The following SLC35D4 variants were observed in gnomAD, a reference collection of about 807,000 sequenced individuals.
The protein encoded by SLC35D4 is solute carrier family 35 member D4, also known as UDP-N-acetylglucosamine transporter SLC35D4.
the SLC35D4 span, among the ~76,000 whole-genome samples, chr18:23,312,805 G>A: frequency 1.2e-4 from 19 of 152,188 alleles, 1 homozygote; most frequent in Middle Eastern, 3.4e-3. Context: ...CGCAGAGCCT[G>A]GCTCAGTCAC....
At chr18:23,263,194 C>T in the SLC35D4 span, among the ~76,000 whole-genome samples, 1 of 152,232 alleles carries the variant, frequency 6.6e-6, no homozygotes, top group South Asian at 2.1e-4. Context: ...CCTGTCCTGC[C>T]TCATGCTTAG....
the SLC35D4 span, among the ~76,000 whole-genome samples, chr18:23,369,979 C>T: frequency 6.6e-6 from 1 of 152,070 alleles, no homozygotes; most frequent in African/African-American, 2.4e-5. Context: ...TCGGTAGTTC[C>T]AGACCAGCCT....
chr18:23,295,175 C>T, the SLC35D4 span, among the ~76,000 whole-genome samples: 40 of 149,860 alleles, frequency 2.7e-4, no homozygotes, highest in African/African-American at 9.6e-4. Context: ...AAGTTGAACA[C>T]GGACACAGAG....
chr18:23,316,237 A>G, the SLC35D4 span, among the ~76,000 whole-genome samples: 99 of 152,312 alleles, frequency 6.5e-4, no homozygotes, highest in African/African-American at 2.3e-3. Flanking sequence ...CAGGCCACAG[A>G]GTTGGAGGTG....
chr18:23,298,217 A>C, the SLC35D4 span: 1 of 875,788 alleles, frequency 1.1e-6, no homozygotes, highest in Non-Finnish European at 1.8e-6. Context: ...GGTCAAGCCC[A>C]GGAATCGCTC....
At chr18:23,426,317 C>A in the SLC35D4 span, among the ~76,000 whole-genome samples, 8 of 152,156 alleles carry the variant, frequency 5.3e-5, no homozygotes, top group South Asian at 4.1e-4. Context: ...ACATGATGGA[C>A]AACAGGTTGA....
the SLC35D4 span, among the ~76,000 whole-genome samples, chr18:23,435,633 C>T: frequency 3.3e-4 from 50 of 152,262 alleles, no homozygotes; most frequent in Non-Finnish European, 6.3e-4. Context: ...TCCAGAGTAA[C>T]GACCGTTTAT....
At chr18:23,384,011 G>C in the SLC35D4 span, among the ~76,000 whole-genome samples, 3 of 136,434 alleles carry the variant, frequency 2.2e-5, no homozygotes, top group Admixed American at 1.5e-4. Flanking sequence ...TGGGGGGGGG[G>C]GGTGTGATGT....
At chr18:23,256,199 G>T in the SLC35D4 span, among the ~76,000 whole-genome samples, 2 of 152,268 alleles carry the variant, frequency 1.3e-5, no homozygotes, top group African/African-American at 4.8e-5. Context: ...TTGACGCCAA[G>T]GCAGAATGTG....
At chr18:23,373,832 G>C in the SLC35D4 span, 16 of 1,541,556 alleles carry the variant, frequency 1.0e-5, no homozygotes, top group African/African-American at 2.2e-4. Context: ...AGAGCGTGGA[G>C]GTGAAAATGC....
chr18:23,288,573 C>G, the SLC35D4 span, among the ~76,000 whole-genome samples: 1 of 151,872 alleles, frequency 6.6e-6, no homozygotes, highest in Non-Finnish European at 1.5e-5. Flanking sequence ...CCAGGACTGG[C>G]AAATTAGCTT....
At chr18:23,387,998 C>CA in the SLC35D4 span, among the ~76,000 whole-genome samples, 1 of 151,742 alleles carries the variant, frequency 6.6e-6, no homozygotes, top group Non-Finnish European at 1.5e-5. Context: ...GAAAGGACAG[C>CA]AAAAAAAATC....
At chr18:23,376,016 T>C in the SLC35D4 span, among the ~76,000 whole-genome samples, 1 of 152,208 alleles carries the variant, frequency 6.6e-6, no homozygotes, top group Non-Finnish European at 1.5e-5. Flanking sequence ...CTTTCCATTT[T>C]ATAGAGGCAA....
At chr18:23,373,620 T>C in the SLC35D4 span, 1 of 1,448,390 alleles carries the variant, frequency 6.9e-7, no homozygotes, top group Non-Finnish European at 9.6e-7. Flanking sequence ...TTATCCTGCT[T>C]CTAAAAGGAA....
the SLC35D4 span, among the ~76,000 whole-genome samples, chr18:23,363,489 G>C: frequency 1.2e-3 from 166 of 143,370 alleles, 1 homozygote; most frequent in Middle Eastern, 4.1e-3. Flanking sequence ...ATTCTCCTGC[G>C]TCAGCCTCCC....
the SLC35D4 span, among the ~76,000 whole-genome samples, chr18:23,435,365 GT>G: frequency 3.3e-5 from 5 of 152,036 alleles, no homozygotes; most frequent in African/African-American, 1.2e-4. Context: ...TAAAAGAAAG[GT>G]TATTCTGTTT....
chr18:23,276,851 T>G, the SLC35D4 span, among the ~76,000 whole-genome samples: 2 of 152,148 alleles, frequency 1.3e-5, no homozygotes, highest in South Asian at 4.1e-4. Flanking sequence ...CCCTCACTCA[T>G]GCTACAGGAG....
chr18:23,352,193 T>C, the SLC35D4 span: 1 of 1,608,726 alleles, frequency 6.2e-7, no homozygotes, highest in Non-Finnish European at 8.5e-7. Context: ...TCTTGTCTCT[T>C]ACCTTAGCAA....
At chr18:23,315,301 A>G in the SLC35D4 span, among the ~76,000 whole-genome samples, 2 of 152,164 alleles carry the variant, frequency 1.3e-5, no homozygotes, top group African/African-American at 4.8e-5. Flanking sequence ...GTCTGCCGAT[A>G]TAGCCGACAT....
Sources: gnomAD v4.1 joint callset for allele counts (sites outside exome capture counted in the v4.1 genomes callset) on GRCh38, gnomAD v4.1.1 for gene constraint, MANE v1.5 for transcripts, NCBI Gene and HGNC (gene_info 2026-07-23, HGNC 2026-07-21) for gene names.